FAM135B: variants seen among roughly 807,000 people sequenced by gnomAD.
The protein encoded by FAM135B is protein FAM135B.
A neutral mutation model predicts 127.7 loss-of-function variants in FAM135B; 43 were observed. That is an observed-to-expected ratio of 0.34 (90% CI 0.26 to 0.43). FAM135B has a LOEUF of 0.43. FAM135B is among the 20% of genes least tolerant of loss of function. The pLI, the probability that FAM135B is intolerant of heterozygous loss-of-function variation, is 1.00. For synonymous variants in FAM135B, 670 were observed against 665.1 expected (o/e 1.01, Z -0.11); for missense variants, 1,558 against 1,725.6 (o/e 0.90, Z 1.72).
chr8:138,413,137 G>A (rs1488306191), intron 1 of FAM135B, among the ~76,000 whole-genome samples: 1 of 152,084 alleles, frequency 6.6e-6, no homozygotes. Flanking sequence ...CATGAGAGAA[G>A]ATAACAAAAT....
At chr8:138,491,167 A>AAAAAAAAAAAAAAC (rs1564040507) in intron 1 of FAM135B, among the ~76,000 whole-genome samples, 8 of 151,426 alleles carry the variant, frequency 5.3e-5, no homozygotes, top group African/African-American at 2.0e-4. Context: ...AAAGAAAGAA[A>AAAAAAAAAAAAAAC]GAAAGAAAGA....
intron 1 of FAM135B, among the ~76,000 whole-genome samples, chr8:138,429,597 T>C (rs998636758): frequency 2.2e-4 from 33 of 152,194 alleles, no homozygotes; most frequent in Admixed American, 1.5e-3. Context: ...CTCTGGTTCC[T>C]TTATAGCAAT....
At chr8:138,205,430 C>T (rs1327169058) in intron 7 of FAM135B, among the ~76,000 whole-genome samples, 2 of 152,144 alleles carry the variant, frequency 1.3e-5, no homozygotes, top group East Asian at 1.9e-4. Flanking sequence ...AGGAAACAGT[C>T]GAGTTGAACT....
chr8:138,453,125 A>G (rs1201340732), intron 1 of FAM135B, among the ~76,000 whole-genome samples: 1 of 152,150 alleles, frequency 6.6e-6, no homozygotes, highest in Non-Finnish European at 1.5e-5. Context: ...ACTCAGAAGT[A>G]AAAAATGAGC....
chr8:138,358,615 G>T (rs191544709), intron 2 of FAM135B: 1 of 152,222 alleles, frequency 6.6e-6, no homozygotes, highest in East Asian at 1.9e-4. Context: ...TTGCCCATGG[G>T]TACCCTGCTA....
At chr8:138,156,961 C>T (rs537099370) in intron 12 of FAM135B, among the ~76,000 whole-genome samples, 153 of 152,340 alleles carry the variant, frequency 1.0e-3, no homozygotes, top group Middle Eastern at 3.4e-3. Flanking sequence ...CCAGCATCAT[C>T]CTGATACCAA....
rs1835322808 is a variant in FAM135B at position 138,433,763 on chromosome 8, A to G, written c.-20+62908T>C. On this transcript the variant is annotated intron_variant, in intron 1 of 19. Coordinates refer to ENST00000395297, the MANE Select transcript of FAM135B (RefSeq NM_015912.4). Reference sequence around the variant, plus strand: ...TTGACTTCTGACCAATGATTTAAGAAGCTCAACCCAGTAAGAAGAGAGAAT... The same window carrying G: ...TTGACTTCTGACCAATGATTTAAGAGGCTCAACCCAGTAAGAAGAGAGAAT... 2.6e-5 allele frequency among the ~76,000 whole-genome samples: 4 copies of G among 152,132 alleles called. No individual in the cohort carries two copies. In the South Asian group the frequency reaches 8.3e-4, roughly 32 times the overall value.
rs1159692796 is a variant in FAM135B at position 138,217,827 on chromosome 8, T to A, written c.670-20158A>T. Among the ~76,000 whole-genome samples the A allele has an allele frequency of 3.3e-5, 5 of 152,156 alleles. No homozygotes were observed. The South Asian group carries it at 6.2e-4, about 19-fold the overall frequency. On this transcript the variant is annotated intron_variant, in intron 7 of 19. Coordinates refer to ENST00000395297, the MANE Select transcript of FAM135B (RefSeq NM_015912.4). ...TTCATGAACTACCTGGTCCTTTCCT[T>A]CACGGAGTTTTTGTAGCAGTGGAGA...
chr8:138,448,109 CA>C (rs762733701), intron 1 of FAM135B, among the ~76,000 whole-genome samples: 4 of 144,286 alleles, frequency 2.8e-5, no homozygotes, highest in Non-Finnish European at 4.5e-5. Flanking sequence ...AAACAGAGGT[CA>C]GAAAAAAAAA....
At chr8:138,410,214 G>T (rs1489984787) in intron 1 of FAM135B, among the ~76,000 whole-genome samples, 2 of 152,138 alleles carry the variant, frequency 1.3e-5, no homozygotes, top group Non-Finnish European at 2.9e-5. Flanking sequence ...AGACTCTGAG[G>T]TGAAGTCCTT....
At chr8:138,171,649 T>C (rs1410729335) in intron 11 of FAM135B, among the ~76,000 whole-genome samples, 1 of 152,186 alleles carries the variant, frequency 6.6e-6, no homozygotes, top group African/African-American at 2.4e-5. Context: ...CAAGAGTGGT[T>C]CAGACGGCTG....
intron 1 of FAM135B, among the ~76,000 whole-genome samples, chr8:138,415,030 T>C (rs1834061957): frequency 6.6e-6 from 1 of 152,106 alleles, no homozygotes; most frequent in South Asian, 2.1e-4. Flanking sequence ...CTGAGGATCC[T>C]ATGGGAAGAT....
At chr8:138,277,479 C>T (rs1231626929) in intron 3 of FAM135B, among the ~76,000 whole-genome samples, 1 of 152,206 alleles carries the variant, frequency 6.6e-6, no homozygotes, top group Non-Finnish European at 1.5e-5. Flanking sequence ...AAGTAATTAA[C>T]TTTCAACTCT....
chr8:138,397,856 G>A (rs1338024020), intron 1 of FAM135B, among the ~76,000 whole-genome samples: 1 of 152,020 alleles, frequency 6.6e-6, no homozygotes, highest in Non-Finnish European at 1.5e-5. Flanking sequence ...CCTTGCCCAG[G>A]GCAGCCCTGG....
At chr8:138,279,387 A>G (rs1227891384) in intron 3 of FAM135B, among the ~76,000 whole-genome samples, 2 of 152,202 alleles carry the variant, frequency 1.3e-5, no homozygotes, top group Non-Finnish European at 2.9e-5. Context: ...GCACATAATT[A>G]GTCTTTTTTA....
intron 2 of FAM135B, among the ~76,000 whole-genome samples, chr8:138,349,833 G>T (rs1482041106): frequency 6.6e-6 from 1 of 152,182 alleles, no homozygotes; most frequent in Non-Finnish European, 1.5e-5. Context: ...TCTGCAGTGA[G>T]CCAGATTCAG....
intron 2 of FAM135B, among the ~76,000 whole-genome samples, chr8:138,335,343 T>C (rs1019016600): frequency 3.3e-5 from 5 of 152,164 alleles, no homozygotes; most frequent in Non-Finnish European, 7.3e-5. Flanking sequence ...ATTATTTTCT[T>C]TGTGTAAATT....
At chr8:138,338,658 G>A (rs912487581) in intron 2 of FAM135B, among the ~76,000 whole-genome samples, 1 of 151,320 alleles carries the variant, frequency 6.6e-6, no homozygotes, top group African/African-American at 2.4e-5. Flanking sequence ...TTACACTGTT[G>A]GTGGGACTGT....
intron 2 of FAM135B, among the ~76,000 whole-genome samples, chr8:138,335,962 C>T (rs1828548217): frequency 6.6e-6 from 1 of 152,144 alleles, no homozygotes; most frequent in Admixed American, 6.6e-5. Context: ...TCACTCAAAA[C>T]CGCTCAACTA....
Sources: allele counts gnomAD v4.1 joint callset (sites outside exome capture counted in the v4.1 genomes callset), GRCh38; gene constraint gnomAD v4.1.1; transcripts MANE v1.5; gene names NCBI Gene and HGNC (gene_info 2026-07-23, HGNC 2026-07-21).